MPHOSPH9: variants seen among roughly 807,000 people sequenced by gnomAD.
The protein encoded by MPHOSPH9 is M-phase phosphoprotein 9.
Under a neutral mutation model 145.5 loss-of-function variants are expected in MPHOSPH9, and 88 were observed. The observed-to-expected ratio is 0.60, with a 90% CI of 0.51 to 0.72. The LOEUF is 0.72. Ranked by LOEUF, MPHOSPH9 falls within the 30% of genes least tolerant of loss-of-function variation. The probability of loss-of-function intolerance (pLI) is 0.00; values close to 1 mark genes in which losing one functional copy is unlikely to be tolerated. For missense variants in MPHOSPH9, 1,238 were observed against 1,386.6 expected (o/e 0.89, Z 1.70); for synonymous variants, 435 against 486.2 (o/e 0.89, Z 1.39).
intron 8 of MPHOSPH9, among the ~76,000 whole-genome samples, chr12:123,207,142 T>C (rs2046469932): frequency 9.2e-6 from 1 of 108,752 alleles, no homozygotes; most frequent in Non-Finnish European, 1.9e-5. Flanking sequence ...AATTCTAAAG[T>C]GGTTAAAAAA....
At position 123,154,648 on chromosome 12, in the gene MPHOSPH9, C is replaced by T. The variant is rs1031218503; in HGVS notation, c.*2159G>A. 1.6e-4 allele frequency: 25 copies of T among 152,106 alleles called. No homozygotes were observed. The highest frequency in any genetic ancestry group is 5.1e-4 in the African/African-American group (21 of 41,482). The allele number at this position is 152,106 out of a possible 1,614,324, so 9.4% of individuals were successfully genotyped here. A position where few individuals can be genotyped will look rare whatever the true frequency, so the allele number is the denominator to read the frequency against. ...TCTTCTGAAATGGCATTTTTTAATT[C>T]TTAAGAATGTAGTAGATTTTACAAT... On this transcript the variant is annotated 3_prime_UTR_variant, in exon 24 of 24. Transcript: ENST00000606320.
intron 2 of MPHOSPH9, 41 bp downstream of exon 2, chr12:123,230,220 T>C (rs1305588687): frequency 1.1e-5 from 11 of 1,046,214 alleles, no homozygotes; most frequent in Non-Finnish European, 1.5e-5. Context: ...GCAAATAAGG[T>C]TATTCTGATT....
At chr12:123,214,703 T>C in intron 7 of MPHOSPH9, 41 bp downstream of exon 7, 2 of 1,463,480 alleles carry the variant, frequency 1.4e-6, no homozygotes, top group African/African-American at 1.4e-5. Flanking sequence ...TCTGAGTGTA[T>C]GTAGTTTAGG....
At chr12:123,174,308 T>C (rs1411987378) in intron 16 of MPHOSPH9, among the ~76,000 whole-genome samples, 1 of 151,790 alleles carries the variant, frequency 6.6e-6, no homozygotes, top group Non-Finnish European at 1.5e-5. Context: ...GGCCTACTTC[T>C]CACTAAACAC....
intron 13 of MPHOSPH9, among the ~76,000 whole-genome samples, chr12:123,189,995 G>A (rs538611372): frequency 1.5e-4 from 23 of 151,624 alleles, no homozygotes; most frequent in African/African-American, 1.9e-4. Flanking sequence ...TTCAAGATAC[G>A]CCAAAGAAGT....
At chr12:123,182,598 C>G (rs1200851777) in intron 13 of MPHOSPH9, among the ~76,000 whole-genome samples, 1 of 150,610 alleles carries the variant, frequency 6.6e-6, no homozygotes, top group Non-Finnish European at 1.5e-5. Flanking sequence ...AGCACAATGC[C>G]AAAGTCTTTA....
rs963479343 is a variant in MPHOSPH9, at chr12:123,159,085, G to A, written c.3450+1696C>T. On this transcript the variant is annotated intron_variant, in intron 23 of 23. Coordinates refer to ENST00000606320, the MANE Select transcript of MPHOSPH9 (RefSeq NM_022782.4). This position sits in a 1 kb window ranked among gnomAD's most constrained non-coding sequence, Gnocchi z 4.3. ...CAGCCTGGTGACACAGCGAGACTCC[G>A]TCTCCAAACTAGATAAATAAAAGAT... Among the ~76,000 whole-genome samples, 1 of 152,176 alleles carries A rather than the reference G, an allele frequency of 6.6e-6. No homozygotes were observed. Among genetic ancestry groups the A allele is most frequent in the African/African-American group, 2.4e-5 (1 of 41,454 alleles).
At chr12:123,192,135 C>G (rs762193864) in intron 13 of MPHOSPH9, among the ~76,000 whole-genome samples, 15 of 152,082 alleles carry the variant, frequency 9.9e-5, no homozygotes, top group African/African-American at 3.6e-4. Flanking sequence ...GAAGCTAAAA[C>G]TAGGAGGTAA....
At chr12:123,202,432 T>C (rs1197286852) in intron 10 of MPHOSPH9, 113 bp from the exon 11 acceptor site, 20 of 1,255,348 alleles carry the variant, frequency 1.6e-5, no homozygotes, top group Non-Finnish European at 2.0e-5. Context: ...GCATATTTCC[T>C]TTGCATACTA....
intron 3 of MPHOSPH9, among the ~76,000 whole-genome samples, chr12:123,224,984 A>C (rs545072629): frequency 3.3e-5 from 5 of 152,320 alleles, no homozygotes; most frequent in African/African-American, 1.2e-4. Context: ...CCTGACATGG[A>C]TATATCCAAA....
chr12:123,226,892 C>T (rs1055320032), intron 3 of MPHOSPH9, among the ~76,000 whole-genome samples: 1 of 152,038 alleles, frequency 6.6e-6, no homozygotes, highest in African/African-American at 2.4e-5. Flanking sequence ...CCACCTTGGC[C>T]GCCTAAAGTG....
At chr12:123,233,466 A>C (rs772313776), upstream of MPHOSPH9, 2 of 152,260 alleles carry the variant, frequency 1.3e-5, no homozygotes, top group Non-Finnish European at 2.9e-5. Context: ...GCGATTGCGA[A>C]TCCTCCGCTG....
intron 13 of MPHOSPH9, among the ~76,000 whole-genome samples, chr12:123,182,251 T>TG (rs1593118433): frequency 1.3e-5 from 1 of 74,652 alleles, no homozygotes; most frequent in East Asian, 2.1e-3. Context: ...TTTTTTGTGT[T>TG]TTTTTTTTTG....
chr12:123,238,216 AATT>A (rs1436859533), intron 1 of MPHOSPH9, among the ~76,000 whole-genome samples: 1 of 152,078 alleles, frequency 6.6e-6, no homozygotes, highest in Non-Finnish European at 1.5e-5. Flanking sequence ...TTGAAACATG[AATT>A]ATTATTATTA....
chr12:123,236,835 G>A (rs373680615), upstream of MPHOSPH9, among the ~76,000 whole-genome samples: 1 of 151,954 alleles, frequency 6.6e-6, no homozygotes, highest in Non-Finnish European at 1.5e-5. Flanking sequence ...ACACCTCTCA[G>A]CACTTTGAGA....
intron 16 of MPHOSPH9, among the ~76,000 whole-genome samples, chr12:123,175,255 A>G (rs1437229621): frequency 1.3e-5 from 2 of 151,268 alleles, no homozygotes; most frequent in Non-Finnish European, 2.9e-5. Flanking sequence ...GGTTCACACC[A>G]TTCTCCTGCC....
intron 8 of MPHOSPH9, among the ~76,000 whole-genome samples, chr12:123,209,510 G>A (rs767359764): frequency 2.3e-4 from 35 of 151,942 alleles, no homozygotes; most frequent in Non-Finnish European, 5.0e-4. Context: ...AGGTTCAAGT[G>A]ATTCTCCTGC....
chr12:123,203,428 A>G lies in MPHOSPH9; in HGVS notation c.1195-53T>C. On this transcript the variant is annotated intron_variant, in intron 8 of 23. Coordinates refer to ENST00000606320, the MANE Select transcript of MPHOSPH9 (RefSeq NM_022782.4). ...GTGTTATCAATAATGAAACAAATTA[A>G]TGATATCAAAATAAGCACCATAAAA... 2.1e-6 allele frequency: 3 copies of G among 1,447,750 alleles called. No homozygotes were observed. In the East Asian group the frequency reaches 6.9e-5, roughly 33 times the overall value. 89.7% of individuals were successfully genotyped at this position (1,447,750 alleles called of 1,614,324 possible). A position where few individuals can be genotyped will look rare whatever the true frequency, so the allele number is the denominator to read the frequency against.
At position 123,154,614 on chromosome 12, in the gene MPHOSPH9, AC is replaced by A. The variant is rs1449462494; in HGVS notation, c.*2192del. ...GAAGATAATTCCTTGGCAAGATAAA[AC>A]TATCATCTCTTCTGAAATGGCATTT... On this transcript the variant is annotated 3_prime_UTR_variant, in exon 24 of 24. Transcript: ENST00000606320. 6.6e-6 allele frequency: 1 copy of A among 152,194 alleles called. No homozygotes were observed. Among genetic ancestry groups the A allele is most frequent in the Non-Finnish European group, 1.5e-5 (1 of 68,040 alleles). 9.4% of individuals were successfully genotyped at this position (152,194 alleles called of 1,614,324 possible).
Sources: allele counts gnomAD v4.1 joint callset (sites outside exome capture counted in the v4.1 genomes callset), GRCh38; gene constraint gnomAD v4.1.1; non-coding constraint Gnocchi (gnomAD v3.1); transcripts MANE v1.5; gene names NCBI Gene and HGNC (gene_info 2026-07-23, HGNC 2026-07-21).